GPR55: variants seen among roughly 807,000 people sequenced by gnomAD.
GPR55 encodes G protein-coupled receptor 55.
In GPR55, 6 loss-of-function variants were observed where a neutral mutation model predicts 7.9. The ratio of observed to expected loss-of-function variants is 0.76; its 90% confidence interval spans 0.41 to 1.49. GPR55 has a LOEUF of 1.49. Among genes scored for constraint, GPR55 ranks in the 40% most tolerant of loss-of-function variants. GPR55 has a pLI of 0.01. For synonymous variants in GPR55, 183 were observed against 166.8 expected, an observed-to-expected ratio of 1.10 and a Z score of -0.75; for missense variants, 376 against 406.0, an observed-to-expected ratio of 0.93 and a Z score of 0.63.
At chr2:230,929,129 T>C (rs2125060758), upstream of GPR55, among the ~76,000 whole-genome samples, 1 of 152,254 alleles carries the variant, frequency 6.6e-6, no homozygotes, top group East Asian at 1.9e-4. Flanking sequence ...CTGGGATTAC[T>C]GGTGTGAACC....
At chr2:230,941,304 C>T (rs890918058) in intron 1 of GPR55, among the ~76,000 whole-genome samples, 4 of 152,122 alleles carry the variant, frequency 2.6e-5, no homozygotes, top group Admixed American at 2.6e-4. Context: ...TCTGAGTGCC[C>T]AGAGTCCACA....
chr2:230,932,572 AG>A (rs906615039), intron 1 of GPR55, among the ~76,000 whole-genome samples: 34 of 152,356 alleles, frequency 2.2e-4, no homozygotes, highest in Non-Finnish European at 4.3e-4. Flanking sequence ...TATATGATAA[AG>A]GTACATAAAG....
intron 1 of GPR55, among the ~76,000 whole-genome samples, chr2:230,932,049 C>T (rs1691056918): frequency 6.6e-6 from 1 of 152,182 alleles, no homozygotes; most frequent in Non-Finnish European, 1.5e-5. Context: ...GACAGCCTGG[C>T]CTCCAACTTC....
At chr2:230,945,461 G>T (rs910728306) in intron 1 of GPR55, among the ~76,000 whole-genome samples, 1 of 152,166 alleles carries the variant, frequency 6.6e-6, no homozygotes, top group Admixed American at 6.5e-5. Flanking sequence ...TGCAACCCGC[G>T]CCCTTATTTG....
At chr2:230,937,898 T>C (rs1470075429) in intron 1 of GPR55, among the ~76,000 whole-genome samples, 3 of 152,130 alleles carry the variant, frequency 2.0e-5, no homozygotes, top group African/African-American at 7.2e-5. Context: ...CTCATGCTTG[T>C]AATCCTCACA....
intron 1 of GPR55, among the ~76,000 whole-genome samples, chr2:230,916,066 GA>G (rs1205941978): frequency 0.019 from 2,734 of 142,660 alleles, 77 homozygotes; most frequent in African/African-American, 0.065. Context: ...AAAATCAAAA[GA>G]AAAAAAAAAA....
intron 1 of GPR55, among the ~76,000 whole-genome samples, chr2:230,935,470 AGTCCTAGG>A (rs1424444051): frequency 2.6e-5 from 4 of 152,206 alleles, no homozygotes; most frequent in Admixed American, 1.3e-4. Context: ...CAGTTGATTG[AGTCCTAGG>A]GTCTCACACA....
Position 230,909,907 on chromosome 2 carries a change from T to C in GPR55, c.*96A>G. The C allele has an allele frequency of 2.5e-6, 3 of 1,201,790 alleles. No homozygotes were observed. The highest frequency in any genetic ancestry group is 2.3e-5 in the East Asian group (1 of 42,784). 74.4% of individuals were successfully genotyped at this position (1,201,790 alleles called of 1,614,324 possible). On this transcript the variant is annotated 3_prime_UTR_variant, in exon 2 of 2. Transcript: ENST00000650999. ...AAGGGAAGCACATCAGTGAAGATGG[T>C]GCGGATCATCCCACCACATCAAAAC... is the stretch of plus-strand genomic sequence containing the variant.
chr2:230,926,253 G>C (rs1354503943), upstream of GPR55, among the ~76,000 whole-genome samples: 1 of 152,226 alleles, frequency 6.6e-6, no homozygotes, highest in Admixed American at 6.5e-5. Context: ...CCACTGTCTG[G>C]TGAAGAGGTT....
intron 1 of GPR55, among the ~76,000 whole-genome samples, chr2:230,912,734 C>T (rs1357800926): frequency 6.6e-6 from 1 of 152,252 alleles, no homozygotes; most frequent in Non-Finnish European, 1.5e-5. Flanking sequence ...GGCCCCGCAC[C>T]TGTTCCTAAA....
chr2:230,926,509 G>A (rs955370610), upstream of GPR55, among the ~76,000 whole-genome samples: 8 of 152,116 alleles, frequency 5.3e-5, no homozygotes, highest in African/African-American at 1.9e-4. Flanking sequence ...CCAGGAGCCT[G>A]CTGGGACAGT....
intron 1 of GPR55, among the ~76,000 whole-genome samples, chr2:230,912,592 C>G (rs1328144944): frequency 6.6e-6 from 1 of 151,996 alleles, no homozygotes; most frequent in Non-Finnish European, 1.5e-5. Context: ...ACCACGCTCA[C>G]CACCCCTGGC....
chr2:230,928,372 T>C (rs1690977069), upstream of GPR55: 1 of 152,222 alleles, frequency 6.6e-6, no homozygotes, highest in South Asian at 2.1e-4. Context: ...TCAGCAGGTC[T>C]CTGGCCGCCA....
At chr2:230,954,565 A>G (rs1691453077) in intron 1 of GPR55, among the ~76,000 whole-genome samples, 1 of 152,238 alleles carries the variant, frequency 6.6e-6, no homozygotes, top group Non-Finnish European at 1.5e-5. Flanking sequence ...TAATCACATC[A>G]GGGTAAATGA....
chr2:230,942,376 T>A (rs1166545292), intron 1 of GPR55, among the ~76,000 whole-genome samples: 1 of 152,138 alleles, frequency 6.6e-6, no homozygotes, highest in Non-Finnish European at 1.5e-5. Flanking sequence ...GAGAATTACT[T>A]AGTCCTCAGG....
At chr2:230,928,573 C>T (rs1690980165), upstream of GPR55, 1 of 152,098 alleles carries the variant, frequency 6.6e-6, no homozygotes, top group Non-Finnish European at 1.5e-5. Context: ...TAGGAGTCGG[C>T]ATGGTAACAG....
At chr2:230,911,881 C>T (rs1366390654) in intron 1 of GPR55, among the ~76,000 whole-genome samples, 1 of 152,044 alleles carries the variant, frequency 6.6e-6, no homozygotes, top group African/African-American at 2.4e-5. Context: ...GGGTGTGGTC[C>T]GAGCCTGGTC....
intron 1 of GPR55, among the ~76,000 whole-genome samples, chr2:230,922,150 G>T (rs549773742): frequency 1.3e-5 from 2 of 152,310 alleles, no homozygotes; most frequent in East Asian, 3.9e-4. Flanking sequence ...GGGTGTTTTT[G>T]TTTGTTGATT....
rs565581331 is a variant in GPR55, at chr2:230,924,830, C to T, written c.-135+338G>A. Among the ~76,000 whole-genome samples the T allele has an allele frequency of 4.6e-5, 7 of 152,050 alleles. No homozygotes were observed. Among genetic ancestry groups the T allele is most frequent in the Admixed American group, 6.5e-5 (1 of 15,276 alleles). On this transcript the variant is annotated intron_variant, in intron 1 of 1. Transcript: ENST00000650999. This position sits in a 1 kb window ranked among gnomAD's most constrained non-coding sequence, Gnocchi z 4.5. ...GCGGTGGCACGTGAGCTACATGCCC[C>T]GGGAAGGCTCCCAGGCTGCCTATGG...
Sources: gnomAD v4.1 joint callset for allele counts (sites outside exome capture counted in the v4.1 genomes callset) on GRCh38, gnomAD v4.1.1 for gene constraint, Gnocchi (gnomAD v3.1) non-coding constraint, MANE v1.5 for transcripts, NCBI Gene and HGNC (gene_info 2026-07-23, HGNC 2026-07-21) for gene names.